The following PPP2R2B variants were observed in gnomAD, a reference collection of about 807,000 sequenced individuals.
The protein encoded by PPP2R2B is protein phosphatase 2 regulatory subunit Bbeta.
Under a neutral mutation model 46.0 loss-of-function variants are expected in PPP2R2B, and 5 were observed. That is an observed-to-expected ratio of 0.11 (90% confidence interval 0.06 to 0.23). The LOEUF (loss-of-function observed/expected upper bound fraction) is 0.23, where lower values mean the gene tolerates loss of function less well. Among genes scored for constraint, PPP2R2B ranks in the 10% least tolerant of loss-of-function variants. PPP2R2B has a pLI of 1.00. For missense variants in PPP2R2B, 367 were observed against 575.0 expected (o/e 0.64, Z 3.70); for synonymous variants, 215 against 206.7 (o/e 1.04, Z -0.34).
chr5:146,735,573 G>C (rs1752486826), intron 2 of PPP2R2B, among the ~76,000 whole-genome samples: 1 of 151,996 alleles, frequency 6.6e-6, no homozygotes, highest in African/African-American at 2.4e-5. Flanking sequence ...TAAATTGGAT[G>C]GGGGAAAAAA....
intron 2 of PPP2R2B, among the ~76,000 whole-genome samples, chr5:146,716,978 T>A (rs1484506529): frequency 6.6e-6 from 1 of 152,216 alleles, no homozygotes; most frequent in African/African-American, 2.4e-5. Context: ...ACCTAGGATC[T>A]TATTCTGTGC....
chr5:146,912,082 C>T (rs1003598903), intron 1 of PPP2R2B, among the ~76,000 whole-genome samples: 3 of 151,750 alleles, frequency 2.0e-5, no homozygotes, highest in Non-Finnish European at 2.9e-5. Context: ...TACTAAAATA[C>T]AAAAAAGTTA....
Position 146,785,515 on chromosome 5 carries a change from T to C in PPP2R2B, c.71-84373A>G, listed in dbSNP as rs370787312. 1.4e-4 allele frequency among the ~76,000 whole-genome samples: 21 copies of C among 152,200 alleles called. No individual in the cohort carries two copies. In the East Asian group the frequency reaches 2.9e-3, roughly 21 times the overall value. ...GTGAGCTTTGATTGTACCACTGCAC[T>C]CCAGCCTGGGCAACAGAGTGAGACC... On this transcript the variant is annotated intron_variant, in intron 2 of 9. Transcript: ENST00000394411.
At chr5:146,843,061 C>T (rs1759763046) in intron 2 of PPP2R2B, among the ~76,000 whole-genome samples, 3 of 152,204 alleles carry the variant, frequency 2.0e-5, no homozygotes, top group African/African-American at 4.8e-5. Context: ...ATGGCGCATG[C>T]CTGTAATCCC....
intron 2 of PPP2R2B, among the ~76,000 whole-genome samples, chr5:146,731,360 T>A (rs755616704): frequency 2.0e-5 from 3 of 152,192 alleles, no homozygotes; most frequent in Non-Finnish European, 4.4e-5. Flanking sequence ...TTTTTCAGGG[T>A]CTTATAGTAT....
chr5:146,591,140 C>A (rs76962506), intron 9 of PPP2R2B, among the ~76,000 whole-genome samples: 2 of 151,810 alleles, frequency 1.3e-5, no homozygotes. Context: ...CACGGTGGTT[C>A]CCCTGGAGTG....
chr5:146,606,155 A>G lies in PPP2R2B; in HGVS notation c.791-5695T>C, dbSNP rs570806707. On this transcript the variant is annotated intron_variant, in intron 7 of 9. Transcript: ENST00000394411. ...ACTGGAGCAAGGGCAGAAAGGAGGC[A>G]TGCAGTGAGCTGGTTGTGGACTCTG... Among the ~76,000 whole-genome samples the G allele has an allele frequency of 2.0e-5, 3 of 152,368 alleles. No individual in the cohort carries two copies. In the East Asian group the frequency reaches 5.8e-4, roughly 29 times the overall value.
intron 6 of PPP2R2B, among the ~76,000 whole-genome samples, chr5:146,643,555 A>G (rs1356157770): frequency 6.6e-6 from 1 of 152,212 alleles, no homozygotes; most frequent in Non-Finnish European, 1.5e-5. Context: ...ATGCAAAGGC[A>G]TAAGAATGAC....
chr5:147,079,481 G>A, intron 2 of PPP2R2B, among the ~76,000 whole-genome samples: 4 of 124,792 alleles, frequency 3.2e-5, no homozygotes, highest in African/African-American at 8.9e-5. Context: ...CATGTGCAAT[G>A]GAATATTACT....
chr5:146,855,282 C>T (rs967092874), intron 2 of PPP2R2B, among the ~76,000 whole-genome samples: 2 of 152,170 alleles, frequency 1.3e-5, no homozygotes, highest in African/African-American at 4.8e-5. Context: ...CTCTACCTCA[C>T]ATCACCAACA....
intron 1 of PPP2R2B, among the ~76,000 whole-genome samples, chr5:147,012,899 A>G (rs945211816): frequency 2.0e-5 from 3 of 152,060 alleles, no homozygotes; most frequent in Admixed American, 1.3e-4. Flanking sequence ...TTTGAGTGAG[A>G]ATCTTAATCC....
Position 146,832,970 on chromosome 5 carries a change from G to T in PPP2R2B, c.70+45032C>A, listed in dbSNP as rs1474739127. Among the ~76,000 whole-genome samples the T allele has an allele frequency of 2.6e-5, 4 of 151,864 alleles. No homozygotes were observed. The East Asian group carries it at 7.7e-4, about 29-fold the overall frequency. On this transcript the variant is annotated intron_variant, in intron 2 of 9. Transcript: ENST00000394411. ...CTATCATTAACTGACGCATGACTGT[G>T]TGTATATTAATATCACAAGCCCTTT...
At chr5:146,733,929 C>CAATAATAACGGCAGTAGTAGT (rs1752385677) in intron 2 of PPP2R2B, among the ~76,000 whole-genome samples, 3 of 151,876 alleles carry the variant, frequency 2.0e-5, no homozygotes, top group African/African-American at 4.8e-5. Flanking sequence ...GCAGTAGTAG[C>CAATAATAACGGCAGTAGTAGT]AGTGGTGGTG....
In PPP2R2B at chr5:147,004,505, G is replaced by A. The variant is rs191642299; in HGVS notation, c.79+51160C>T. ...CTGTCCTCAAGGTCCATTACCATCC[G>A]AGGAATCCTGGGACAGCCTATAACC... On this transcript the variant is annotated intron_variant, in intron 1 of 8. Transcript: ENST00000336640. Among the ~76,000 whole-genome samples the A allele has an allele frequency of 4.3e-3, 657 of 152,244 alleles. 3 individuals carry two copies. The highest frequency in any genetic ancestry group is 0.015 in the African/African-American group (605 of 41,536).
chr5:146,998,520 C>T (rs1329488106), intron 1 of PPP2R2B, among the ~76,000 whole-genome samples: 1 of 152,002 alleles, frequency 6.6e-6, no homozygotes, highest in African/African-American at 2.4e-5. Context: ...AAAGAGAAGC[C>T]CACCTGTATT....
chr5:146,942,989 G>GCCA (rs1764370664), intron 1 of PPP2R2B, among the ~76,000 whole-genome samples: 1 of 152,112 alleles, frequency 6.6e-6, no homozygotes, highest in Non-Finnish European at 1.5e-5. Context: ...AGTAGAGACA[G>GCCA]GGTTTCACCG....
chr5:146,643,860 C>T (rs1775393814), intron 6 of PPP2R2B, among the ~76,000 whole-genome samples: 1 of 152,200 alleles, frequency 6.6e-6, no homozygotes, highest in South Asian at 2.1e-4. Flanking sequence ...AGTCCATATC[C>T]TAAACTAGGC....
chr5:146,906,162 A>T (rs1190715198), intron 1 of PPP2R2B, among the ~76,000 whole-genome samples: 1 of 152,140 alleles, frequency 6.6e-6, no homozygotes, highest in Admixed American at 6.5e-5. Flanking sequence ...ATAGACTTGA[A>T]AGAATGGATG....
chr5:146,977,906 G>A (rs1486666358), intron 1 of PPP2R2B, among the ~76,000 whole-genome samples: 1 of 152,124 alleles, frequency 6.6e-6, no homozygotes, highest in Non-Finnish European at 1.5e-5. Context: ...TGGGATTGCT[G>A]GGCCAAATGG....
Sources: gnomAD v4.1 joint callset for allele counts (sites outside exome capture counted in the v4.1 genomes callset) on GRCh38, gnomAD v4.1.1 for gene constraint, MANE v1.5 for transcripts, NCBI Gene and HGNC (gene_info 2026-07-23, HGNC 2026-07-21) for gene names.